The following NCK2 variants were observed in gnomAD, a reference collection of about 807,000 sequenced individuals.
NCK2 encodes cytoplasmic protein NCK2.
A neutral mutation model predicts 33.9 loss-of-function variants in NCK2; 16 were observed. The ratio of observed to expected loss-of-function variants is 0.47; its 90% CI spans 0.32 to 0.72. The LOEUF is 0.72. NCK2 is among the 30% of genes least tolerant of loss of function. The probability of loss-of-function intolerance (pLI) is 0.03; values close to 1 mark genes in which losing one functional copy is unlikely to be tolerated. For missense variants in NCK2, 418 were observed against 537.3 expected, an observed-to-expected ratio of 0.78 and a Z score of 2.19; for synonymous variants, 273 against 239.9, an observed-to-expected ratio of 1.14 and a Z score of -1.27.
At chr2:105,839,787 C>T (rs1038926560) in intron 2 of NCK2, among the ~76,000 whole-genome samples, 4 of 152,194 alleles carry the variant, frequency 2.6e-5, no homozygotes, top group Middle Eastern at 3.4e-3. Context: ...GCCAAGAGGG[C>T]GGATGGAGGG....
At chr2:105,855,450 G>A (rs577934420) in intron 3 of NCK2, 161 bp downstream of exon 3, 2 of 601,028 alleles carry the variant, frequency 3.3e-6, no homozygotes, top group South Asian at 4.7e-5. Flanking sequence ...AGATGAAGAT[G>A]GAGAAAGAGG....
chr2:105,796,966 C>A (rs1558841527), intron 1 of NCK2, among the ~76,000 whole-genome samples: 2 of 152,308 alleles, frequency 1.3e-5, no homozygotes, highest in Non-Finnish European at 1.5e-5. Context: ...TGGTTCAGTA[C>A]CCCTAGCTGG....
chr2:105,820,215 A>G (rs1242994610), intron 2 of NCK2, among the ~76,000 whole-genome samples: 3 of 152,246 alleles, frequency 2.0e-5, no homozygotes, highest in African/African-American at 7.2e-5. Flanking sequence ...ACTGCAGGTC[A>G]TTCAGACAAT....
At chr2:105,846,142 C>T (rs549647684) in intron 2 of NCK2, among the ~76,000 whole-genome samples, 7 of 152,262 alleles carry the variant, frequency 4.6e-5, no homozygotes, top group South Asian at 2.1e-4. Context: ...AAGACACCAA[C>T]GAGAAAGCCA....
intron 1 of NCK2, among the ~76,000 whole-genome samples, chr2:105,813,020 G>T (rs547479760): frequency 6.6e-6 from 1 of 152,216 alleles, no homozygotes; most frequent in South Asian, 2.1e-4. Flanking sequence ...GAATGCGACT[G>T]TCAAGGTTCT....
At chr2:105,810,585 T>C (rs1166244945) in intron 1 of NCK2, among the ~76,000 whole-genome samples, 1 of 152,232 alleles carries the variant, frequency 6.6e-6, no homozygotes, top group Admixed American at 6.5e-5. Context: ...GGTGAACCTG[T>C]TAAAAAGGCA....
intron 4 of NCK2, among the ~76,000 whole-genome samples, chr2:105,889,571 C>CTTT (rs35868906): frequency 0.05 from 6,617 of 132,344 alleles, 181 homozygotes; most frequent in East Asian, 0.13. Flanking sequence ...ATTTGCATTT[C>CTTT]TTTTTTTTTT....
At chr2:105,860,978 G>T (rs1677506272) in intron 3 of NCK2, among the ~76,000 whole-genome samples, 1 of 151,746 alleles carries the variant, frequency 6.6e-6, no homozygotes, top group South Asian at 2.1e-4. Context: ...GGTCGTTGTG[G>T]ATCCCGAAAG....
Position 105,887,595 on chromosome 2 carries a change from G to A in NCK2, c.949-5387G>A, listed in dbSNP as rs183112871. Among the ~76,000 whole-genome samples, 405 of 152,302 alleles carry A rather than the reference G, an allele frequency of 2.7e-3. 2 individuals are homozygous for A. Among genetic ancestry groups the A allele is most frequent in the Non-Finnish European group, 4.1e-3 (276 of 68,026 alleles). ...AAAGAACCAAAAGTACCTGGAGCAA[G>A]GCCCCTCCCTCCCGTTTCCTCATGA... is the stretch of plus-strand genomic sequence containing the variant. On this transcript the variant is annotated intron_variant, in intron 4 of 4. Coordinates refer to ENST00000233154, the MANE Select transcript of NCK2 (RefSeq NM_003581.5).
chr2:105,784,255 C>T (rs1690597533), intron 1 of NCK2, among the ~76,000 whole-genome samples: 1 of 152,240 alleles, frequency 6.6e-6, no homozygotes, highest in Admixed American at 6.5e-5. Context: ...AGGCATGAGA[C>T]ACCACGCCCG....
intron 1 of NCK2, among the ~76,000 whole-genome samples, 152 bp downstream of exon 1, chr2:105,745,290 T>C (rs530199411): frequency 2.1e-3 from 315 of 151,622 alleles, no homozygotes; most frequent in East Asian, 5.1e-3. Flanking sequence ...CTCTCGGCCC[T>C]GCCGCGGCCT....
intron 3 of NCK2, among the ~76,000 whole-genome samples, chr2:105,861,639 C>G (rs565506448): frequency 6.6e-6 from 1 of 151,672 alleles, no homozygotes; most frequent in East Asian, 1.9e-4. Flanking sequence ...TTCAGCCTCC[C>G]TAGTAGCTGG....
chr2:105,756,320 A>T (rs1689597923), intron 1 of NCK2, among the ~76,000 whole-genome samples: 1 of 138,270 alleles, frequency 7.2e-6, no homozygotes, highest in African/African-American at 2.9e-5. Context: ...CTTGGTGGAG[A>T]TAGTTAAAAG....
intron 1 of NCK2, among the ~76,000 whole-genome samples, chr2:105,794,896 G>A (rs1299684672): frequency 6.6e-6 from 1 of 152,028 alleles, no homozygotes; most frequent in East Asian, 1.9e-4. Flanking sequence ...TATGTCCAGA[G>A]AATGATTATT....
chr2:105,845,864 A>ACTT (rs1676837481), intron 2 of NCK2, among the ~76,000 whole-genome samples: 1 of 152,148 alleles, frequency 6.6e-6, no homozygotes, highest in Admixed American at 6.5e-5. Context: ...TTTCCTAAGA[A>ACTT]GCCAAGTTCC....
At position 105,881,320 on chromosome 2, in the gene NCK2, C is replaced by T. The variant is rs764141400; in HGVS notation, c.227-8C>T. 13 of 1,578,204 alleles carry T rather than the reference C, an allele frequency of 8.2e-6. No homozygotes were observed. The African/African-American group carries it at 1.7e-4, about 21-fold the overall frequency. On this transcript the variant is annotated splice_polypyrimidine_tract_variant and splice_region_variant and intron_variant, in intron 3 of 4. Transcript: ENST00000233154. ...CCTGCGCCACTGAGCCTTGCTGTGTCTCCACAGGCCTCGGCAAGACGCGCA... is the reference window on the plus strand; with the variant it reads ...CCTGCGCCACTGAGCCTTGCTGTGTTTCCACAGGCCTCGGCAAGACGCGCA...
chr2:105,849,955 G>T (rs78484903), intron 2 of NCK2, among the ~76,000 whole-genome samples: 338 of 152,266 alleles, frequency 2.2e-3, no homozygotes, highest in African/African-American at 7.8e-3. Flanking sequence ...GTATTACCCT[G>T]GGCTATTGAA....
intron 2 of NCK2, among the ~76,000 whole-genome samples, chr2:105,840,988 G>C (rs1573187337): frequency 6.6e-6 from 1 of 152,182 alleles, no homozygotes; most frequent in Non-Finnish European, 1.5e-5. Flanking sequence ...GGACAGACCA[G>C]TTGTAACTTT....
At chr2:105,858,060 T>G (rs892724970) in intron 3 of NCK2, among the ~76,000 whole-genome samples, 4 of 97,602 alleles carry the variant, frequency 4.1e-5, no homozygotes, top group Non-Finnish European at 8.3e-5. Flanking sequence ...TTTTTTTTGT[T>G]TTTTTTTTTG....
Sources: allele counts gnomAD v4.1 joint callset (sites outside exome capture counted in the v4.1 genomes callset), GRCh38; gene constraint gnomAD v4.1.1; transcripts MANE v1.5; gene names NCBI Gene and HGNC (gene_info 2026-07-23, HGNC 2026-07-21).